ANKRD6: variants seen among roughly 807,000 people sequenced by gnomAD.
ANKRD6 encodes the protein ankyrin repeat domain-containing protein 6.
In ANKRD6, 56 loss-of-function variants were observed where a neutral mutation model predicts 82.3. The observed-to-expected ratio is 0.68, with a 90% CI of 0.55 to 0.85. The LOEUF (loss-of-function observed/expected upper bound fraction) is 0.85. ANKRD6 is among the 40% of genes least tolerant of loss of function. ANKRD6 has a pLI of 0.00. For missense variants in ANKRD6, 852 were observed against 907.6 expected, an observed-to-expected ratio of 0.94 and a Z score of 0.79; for synonymous variants, 347 against 352.1, an observed-to-expected ratio of 0.99 and a Z score of 0.16.
intron 1 of ANKRD6, among the ~76,000 whole-genome samples, chr6:89,525,029 T>G (rs1782302037): frequency 6.6e-6 from 1 of 152,120 alleles, no homozygotes; most frequent in Admixed American, 6.6e-5. Flanking sequence ...GTGTGGTGGT[T>G]CATGCCTGTA....
intron 1 of ANKRD6, among the ~76,000 whole-genome samples, chr6:89,471,650 T>C (rs1775490344): frequency 6.6e-6 from 1 of 152,000 alleles, no homozygotes; most frequent in South Asian, 2.1e-4. Context: ...TGTGTTTTAC[T>C]GAAAGCTGAG....
intron 2 of ANKRD6, among the ~76,000 whole-genome samples, chr6:89,586,414 C>T (rs1369294925): frequency 1.3e-5 from 2 of 152,080 alleles, no homozygotes; most frequent in Non-Finnish European, 2.9e-5. Context: ...TCTGGCCAGG[C>T]GTAGTGGCTC....
At chr6:89,591,799 G>T (rs1393558190) in intron 2 of ANKRD6, among the ~76,000 whole-genome samples, 1 of 152,186 alleles carries the variant, frequency 6.6e-6, no homozygotes, top group Non-Finnish European at 1.5e-5. Context: ...GACAGCTTCA[G>T]CTTCTATAGG....
chr6:89,500,818 G>A (rs945118132), intron 1 of ANKRD6, among the ~76,000 whole-genome samples: 3 of 152,162 alleles, frequency 2.0e-5, no homozygotes, highest in African/African-American at 4.8e-5. Context: ...ACTGTGGGCC[G>A]TAGTTTTAAG....
At chr6:89,607,805 G>A (rs573675544) in intron 5 of ANKRD6, among the ~76,000 whole-genome samples, 13 of 151,650 alleles carry the variant, frequency 8.6e-5, no homozygotes, top group Non-Finnish European at 1.5e-4. Context: ...GTGCCCCCAC[G>A]CCCGGCTAAT....
chr6:89,552,340 A>T (rs1037664447), intron 1 of ANKRD6, among the ~76,000 whole-genome samples: 1 of 152,204 alleles, frequency 6.6e-6, no homozygotes, highest in South Asian at 2.1e-4. Flanking sequence ...GTATGATGAC[A>T]TGAGTATAGG....
chr6:89,461,402 G>T (rs1270695727), intron 1 of ANKRD6, among the ~76,000 whole-genome samples: 1 of 152,164 alleles, frequency 6.6e-6, no homozygotes, highest in Non-Finnish European at 1.5e-5. Flanking sequence ...TGAGAGATGA[G>T]ATTTCTTATG....
chr6:89,508,297 G>T (rs1187885759), intron 1 of ANKRD6, among the ~76,000 whole-genome samples: 2 of 152,146 alleles, frequency 1.3e-5, no homozygotes, highest in African/African-American at 4.8e-5. Flanking sequence ...TGGACAATCT[G>T]CCTCCAGGAG....
At chr6:89,614,102 C>G (rs1800900291) in intron 7 of ANKRD6, among the ~76,000 whole-genome samples, 1 of 152,190 alleles carries the variant, frequency 6.6e-6, no homozygotes, top group African/African-American at 2.4e-5. Context: ...CCTTATAATT[C>G]CTGTGCATAT....
intron 1 of ANKRD6, among the ~76,000 whole-genome samples, chr6:89,523,061 C>T (rs2127973085): frequency 6.6e-6 from 1 of 152,266 alleles, no homozygotes; most frequent in South Asian, 2.1e-4. Context: ...CAGATTCCCT[C>T]CTGAGAGCTG....
In ANKRD6 at chr6:89,440,497, C is replaced by T. The variant is rs554106006; in HGVS notation, c.-144+7122C>T. Among the ~76,000 whole-genome samples the T allele has an allele frequency of 3.3e-5, 5 of 152,302 alleles. No individual in the cohort carries two copies. The East Asian group carries it at 5.8e-4, about 18-fold the overall frequency. The stretch of plus-strand genomic sequence containing the variant: ...AAGGGACACCTTTGTTAATTTATGT[C>T]CTGCTTTTAGCAAATAGGGGAAGGC... On this transcript the variant is annotated intron_variant, in intron 1 of 15. Coordinates refer to ENST00000339746, the MANE Select transcript of ANKRD6 (RefSeq NM_001242809.2).
intron 2 of ANKRD6, among the ~76,000 whole-genome samples, chr6:89,573,928 A>T (rs927794294): frequency 6.6e-6 from 1 of 152,132 alleles, no homozygotes; most frequent in Non-Finnish European, 1.5e-5. Context: ...GGTACCCTGG[A>T]TGGAATTTGC....
rs1377436912 is a variant in ANKRD6 at position 89,491,653 on chromosome 6, C to T, written c.-144+58278C>T. Among the ~76,000 whole-genome samples the T allele has an allele frequency of 2.4e-5, 3 of 124,400 alleles. No individual in the cohort carries two copies. The East Asian group carries it at 7.6e-4, about 31-fold the overall frequency. 81.6% of individuals were successfully genotyped at this position (124,400 alleles called of 152,430 possible). ...GGGCCTGTCATGGGGTGGGGGGAGG[C>T]GGGAGGGAAAGCATTAAGAGATATA... On this transcript the variant is annotated intron_variant, in intron 1 of 15. Transcript: ENST00000339746.
intron 1 of ANKRD6, among the ~76,000 whole-genome samples, chr6:89,556,297 CAG>C (rs1786589192): frequency 6.6e-6 from 1 of 152,258 alleles, no homozygotes; most frequent in Admixed American, 6.5e-5. Context: ...AAGATCCAGA[CAG>C]AGCACAGAGA....
chr6:89,567,648 G>A (rs1311950510), intron 2 of ANKRD6, among the ~76,000 whole-genome samples: 1 of 152,258 alleles, frequency 6.6e-6, no homozygotes, highest in Admixed American at 6.5e-5. Flanking sequence ...GCCAAAGGCA[G>A]TTTTGTAGCA....
chr6:89,512,732 ATGT>A (rs1780701386), intron 1 of ANKRD6, among the ~76,000 whole-genome samples: 1 of 152,246 alleles, frequency 6.6e-6, no homozygotes, highest in Admixed American at 6.5e-5. Context: ...GCTGTGCAGC[ATGT>A]TGCACATAAA....
At chr6:89,495,290 C>T (rs539249199) in intron 1 of ANKRD6, among the ~76,000 whole-genome samples, 1 of 152,092 alleles carries the variant, frequency 6.6e-6, no homozygotes, top group Admixed American at 6.6e-5. Context: ...TTTCTAAGGC[C>T]ATGATTTGGC....
intron 14 of ANKRD6, 90 bp from the exon 15 acceptor site, chr6:89,629,022 C>G: frequency 7.1e-7 from 1 of 1,401,522 alleles, no homozygotes; most frequent in East Asian, 2.4e-5. Flanking sequence ...ATTGAAAAGT[C>G]CATCCTTGAT....
chr6:89,514,600 GTTCAC>G (rs1397955717), intron 1 of ANKRD6, among the ~76,000 whole-genome samples: 2 of 152,140 alleles, frequency 1.3e-5, no homozygotes, highest in East Asian at 1.9e-4. Flanking sequence ...TGTGGAAATA[GTTCAC>G]TTCATTTCTA....
Sources: gnomAD v4.1 joint callset for allele counts (sites outside exome capture counted in the v4.1 genomes callset) on GRCh38, gnomAD v4.1.1 for gene constraint, MANE v1.5 for transcripts, NCBI Gene and HGNC (gene_info 2026-07-23, HGNC 2026-07-21) for gene names.